Variants in NACC2 observed in about 807,000 individuals in gnomAD.
NACC2 encodes nucleus accumbens-associated protein 2.
In NACC2, 8 loss-of-function variants were observed where a neutral mutation model predicts 25.1. That is an observed-to-expected ratio of 0.32 (90% CI 0.19 to 0.57). NACC2 has a LOEUF of 0.57. NACC2 is among the 20% of genes least tolerant of loss of function. NACC2 has a pLI of 0.89. For synonymous variants in NACC2, 435 were observed against 294.7 expected, an observed-to-expected ratio of 1.48 and a Z score of -4.88; for missense variants, 644 against 650.2, an observed-to-expected ratio of 0.99 and a Z score of 0.10.
intron 2 of NACC2, among the ~76,000 whole-genome samples, chr9:136,024,374 G>A (rs1840351636): frequency 6.8e-6 from 1 of 146,782 alleles, no homozygotes; most frequent in African/African-American, 2.6e-5. Flanking sequence ...GACAGAAGGT[G>A]TGTGTGTGAG....
Position 136,020,712 on chromosome 9 carries a change from TAC to T in NACC2, c.887-4285_887-4284del, listed in dbSNP as rs1352125584. ...CTGATTTTAAGACTTCCTGTACAGC[TAC>T]AGTCATGAAGCCTGCATGGTTCAGG... On this transcript the variant is annotated intron_variant, in intron 2 of 5. Coordinates refer to ENST00000277554, the MANE Select transcript of NACC2 (RefSeq NM_144653.5). This position sits in a 1 kb window ranked among gnomAD's most constrained non-coding sequence, Gnocchi z 4.7. Among the ~76,000 whole-genome samples, 26 of 152,186 alleles carry T rather than the reference TAC, an allele frequency of 1.7e-4. No individual in the cohort carries two copies. Among genetic ancestry groups the T allele is most frequent in the Admixed American group, 1.6e-3 (25 of 15,280 alleles).
rs374136855 is a variant in NACC2 at position 136,023,629 on chromosome 9, T to C, written c.887-7200A>G. 3.0e-4 allele frequency among the ~76,000 whole-genome samples: 45 copies of C among 152,322 alleles called. No individual in the cohort carries two copies. In the South Asian group the frequency reaches 8.1e-3, roughly 27 times the overall value. ...CTCCGACAGGGATCCCAGCGATGAT[T>C]TTTATTGCTGATCTGATGGCATCCC... On this transcript the variant is annotated intron_variant, in intron 2 of 5. Transcript: ENST00000277554.
chr9:136,063,306 G>A (rs1465027881), intron 1 of NACC2, among the ~76,000 whole-genome samples: 2 of 152,206 alleles, frequency 1.3e-5, no homozygotes, highest in African/African-American at 4.8e-5. Context: ...CTGACTCTGT[G>A]GGCTGATCCT....
chr9:136,036,081 A>G (rs888677906), intron 2 of NACC2, among the ~76,000 whole-genome samples: 2 of 152,218 alleles, frequency 1.3e-5, no homozygotes, highest in Non-Finnish European at 2.9e-5. Context: ...GGGAGAAGCT[A>G]CTTACGTGTC....
At chr9:136,094,888 G>A (rs1294532285) in intron 1 of NACC2, among the ~76,000 whole-genome samples, 1 of 150,316 alleles carries the variant, frequency 6.7e-6, no homozygotes, top group Non-Finnish European at 1.5e-5. Flanking sequence ...CGGGACGCCC[G>A]GAGCCGGGGT....
chr9:136,060,478 A>G (rs1840993959), intron 1 of NACC2, among the ~76,000 whole-genome samples: 1 of 152,242 alleles, frequency 6.6e-6, no homozygotes, highest in Non-Finnish European at 1.5e-5. Flanking sequence ...TTCTTTCCAG[A>G]AGACAGGGCC....
chr9:136,048,313 C>T (rs1197233096), intron 2 of NACC2, among the ~76,000 whole-genome samples: 2 of 152,160 alleles, frequency 1.3e-5, no homozygotes, highest in African/African-American at 4.8e-5. Context: ...GCACATGGGG[C>T]GGATTCCCCG....
intron 1 of NACC2, among the ~76,000 whole-genome samples, chr9:136,052,695 G>A (rs1840864173): frequency 6.6e-6 from 1 of 152,206 alleles, no homozygotes; most frequent in African/African-American, 2.4e-5. Context: ...CGGGCAACCA[G>A]GAGCCGGAAG....
rs1840103535 is a variant in NACC2 at position 136,011,353 on chromosome 9, T to G, written c.*163A>C. 3.7e-6 allele frequency: 3 copies of G among 817,222 alleles called. No individual in the cohort carries two copies. The highest frequency in any genetic ancestry group is 5.0e-6 in the Non-Finnish European group (3 of 596,338). The allele number at this position is 817,222 out of a possible 1,614,324, so 50.6% of individuals were successfully genotyped here. On this transcript the variant is annotated 3_prime_UTR_variant, in exon 6 of 6. Coordinates refer to ENST00000277554, the MANE Select transcript of NACC2 (RefSeq NM_144653.5). ...ATTGTTTACAGTATAATGAATGCAT[T>G]TGTTTCCTTCATCAATTTTAAATAC...
chr9:136,023,173 G>A (rs978689985), intron 2 of NACC2, among the ~76,000 whole-genome samples: 1 of 147,634 alleles, frequency 6.8e-6, no homozygotes, highest in Non-Finnish European at 1.5e-5. Context: ...TGGGTCTCCT[G>A]GAAACCCGGA....
chr9:136,092,286 G>A (rs577118198), intron 1 of NACC2, among the ~76,000 whole-genome samples: 5 of 152,294 alleles, frequency 3.3e-5, no homozygotes, highest in South Asian at 4.1e-4. Context: ...ACTCACCGCC[G>A]GGGAGCCTGA....
At position 136,018,137 on chromosome 9, in the gene NACC2, CCGCACCGCACCAGGA is replaced by C. The variant is rs1840230580; in HGVS notation, c.887-1723_887-1709del. Among the ~76,000 whole-genome samples the C allele has an allele frequency of 6.6e-6, 1 of 152,162 alleles. No homozygotes were observed. Among genetic ancestry groups the C allele is most frequent in the African/African-American group, 2.4e-5 (1 of 41,450 alleles). On this transcript the variant is annotated intron_variant, in intron 2 of 5. Coordinates refer to ENST00000277554, the MANE Select transcript of NACC2 (RefSeq NM_144653.5). This position sits in a 1 kb window ranked among gnomAD's most constrained non-coding sequence, Gnocchi z 4.4. The stretch of plus-strand genomic sequence containing the variant: ...AGCTCCATGCAGAGCCCACCTGCGG[CCGCACCGCACCAGGA>C]CGCTCAGAGGCAGGTGCACCTGGCC...
chr9:136,029,802 A>G (rs1840447032), intron 2 of NACC2, among the ~76,000 whole-genome samples: 1 of 152,268 alleles, frequency 6.6e-6, no homozygotes, highest in South Asian at 2.1e-4. Flanking sequence ...GGCTGTGCAC[A>G]GTGGCTGGGC....
intron 2 of NACC2, among the ~76,000 whole-genome samples, chr9:136,031,486 C>T (rs765822874): frequency 2.3e-4 from 35 of 152,144 alleles, no homozygotes; most frequent in Middle Eastern, 3.4e-3. Context: ...TACAGGTGTG[C>T]GCCACCACAC....
chr9:136,030,161 C>T (rs1032725694), intron 2 of NACC2, among the ~76,000 whole-genome samples: 1 of 152,118 alleles, frequency 6.6e-6, no homozygotes, highest in African/African-American at 2.4e-5. Context: ...AGGCATGAGA[C>T]ACCACACCCA....
chr9:136,011,904 A>G lies in NACC2; in HGVS notation c.1376T>C (p.Leu459Pro), dbSNP rs767720161. The change falls in exon 6 of 6, where the codon CTG becomes CCG. Residue 459 changes from leucine to proline, a missense_variant. Coordinates refer to ENST00000277554, the MANE Select transcript of NACC2 (RefSeq NM_144653.5). Reference protein sequence around the residue: ...KRWLPKIKSMLPEGVEMYRTV... With the variant: ...KRWLPKIKSMPPEGVEMYRTV... ...GCGGTACATCTCCACGCCCTCCGGC[A>G]GCATGGACTTGATCTTGGGCAGCCA... 1 of 1,587,758 alleles carries G rather than the reference A, an allele frequency of 6.3e-7. No individual in the cohort carries two copies. The highest frequency in any genetic ancestry group is 8.5e-7 in the Non-Finnish European group (1 of 1,169,802).
chr9:136,084,083 C>T lies in NACC2; in HGVS notation c.-60+11106G>A, dbSNP rs1830353539. Among the ~76,000 whole-genome samples, 1 of 152,002 alleles carries T rather than the reference C, an allele frequency of 6.6e-6. No individual in the cohort carries two copies. The highest frequency in any genetic ancestry group is 2.4e-5 in the African/African-American group (1 of 41,368). On this transcript the variant is annotated intron_variant, in intron 1 of 5. Coordinates refer to ENST00000277554, the MANE Select transcript of NACC2 (RefSeq NM_144653.5). This position sits in a 1 kb window ranked among gnomAD's most constrained non-coding sequence, Gnocchi z 5.1. ...GCGGGGAGGTAGGGAAGGTGGTGCT[C>T]GCTGAGGGTGTCCCTCACTCAGTGG...
chr9:136,015,843 GC>G lies in NACC2; in HGVS notation c.1051+421del, dbSNP rs554572123. On this transcript the variant is annotated intron_variant, in intron 3 of 5. Coordinates refer to ENST00000277554, the MANE Select transcript of NACC2 (RefSeq NM_144653.5). Reference sequence around the variant, plus strand: ...AAGGTAAATTCCTGAGCGAGGCCCGGCCCCCACGGGCTTCTGGACTCGGACG... The same window carrying G: ...AAGGTAAATTCCTGAGCGAGGCCCGGCCCCACGGGCTTCTGGACTCGGACG... 3.6e-3 allele frequency among the ~76,000 whole-genome samples: 548 copies of G among 152,320 alleles called. 5 individuals are homozygous for G. The highest frequency in any genetic ancestry group is 0.012 in the African/African-American group (511 of 41,550).
chr9:136,046,196 G>C (rs1840721562), intron 2 of NACC2, among the ~76,000 whole-genome samples: 1 of 152,184 alleles, frequency 6.6e-6, no homozygotes, highest in Admixed American at 6.5e-5. Context: ...GGGAAGGGAT[G>C]GGGGTGCAGG....
Sources: allele counts gnomAD v4.1 joint callset (sites outside exome capture counted in the v4.1 genomes callset), GRCh38; gene constraint gnomAD v4.1.1; non-coding constraint Gnocchi (gnomAD v3.1); transcripts MANE v1.5; gene names NCBI Gene and HGNC (gene_info 2026-07-23, HGNC 2026-07-21).